Variants in PREX1 observed in about 807,000 individuals in gnomAD.
The protein encoded by PREX1 is phosphatidylinositol-3,4,5-trisphosphate dependent Rac exchange factor 1, also known as phosphatidylinositol 3,4,5-trisphosphate-dependent Rac exchanger 1 protein.
Under a neutral mutation model 198.3 loss-of-function variants are expected in PREX1, and 41 were observed. The ratio of observed to expected loss-of-function variants is 0.21; its 90% CI spans 0.16 to 0.27. PREX1 has a LOEUF of 0.27. Among genes scored for constraint, PREX1 ranks in the 10% least tolerant of loss-of-function variants. The pLI is 1.00. For missense variants in PREX1, 1,620 were observed against 2,200.7 expected (o/e 0.74, Z 5.28); for synonymous variants, 843 against 887.2 (o/e 0.95, Z 0.89).
intron 1 of PREX1, among the ~76,000 whole-genome samples, chr20:48,801,911 G>A (rs1027711193): frequency 5.9e-5 from 9 of 152,092 alleles, no homozygotes; most frequent in African/African-American, 1.9e-4. Context: ...AAGCCAAGAC[G>A]CCCCTTGGGT....
At chr20:48,726,616 C>G (rs1197047153) in intron 4 of PREX1, among the ~76,000 whole-genome samples, 5 of 152,252 alleles carry the variant, frequency 3.3e-5, no homozygotes, top group African/African-American at 1.2e-4. Flanking sequence ...AACACAGCCA[C>G]ATCCATCACA....
At chr20:48,880,720 G>A in the PREX1 span, among the ~76,000 whole-genome samples, 1 of 152,086 alleles carries the variant, frequency 6.6e-6, no homozygotes, top group Non-Finnish European at 1.5e-5. Flanking sequence ...TGTGCCTGAT[G>A]CCACCCCAAA....
chr20:48,868,455 C>T, the PREX1 span, among the ~76,000 whole-genome samples: 1 of 152,048 alleles, frequency 6.6e-6, no homozygotes. Context: ...TCCAAAGTAG[C>T]TGGGATTACA....
At chr20:48,633,614 TG>T (rs1004627394) in intron 33 of PREX1, among the ~76,000 whole-genome samples, 27 of 152,296 alleles carry the variant, frequency 1.8e-4, no homozygotes, top group Non-Finnish European at 2.8e-4. Context: ...TAGTTCTGGC[TG>T]GGCCGGAGAA....
intron 3 of PREX1, among the ~76,000 whole-genome samples, chr20:48,739,339 G>C (rs2090070980): frequency 6.6e-6 from 1 of 152,188 alleles, no homozygotes; most frequent in Non-Finnish European, 1.5e-5. Flanking sequence ...CCAGGTGAAT[G>C]CTCATTTCAG....
At chr20:48,692,557 T>C (rs1423943368) in intron 8 of PREX1, 115 bp downstream of exon 8, 3 of 823,172 alleles carry the variant, frequency 3.6e-6, no homozygotes, top group African/African-American at 3.4e-5. Flanking sequence ...CACTTTTCTG[T>C]AGGTAGATTA....
At chr20:48,858,948 TG>T in the PREX1 span, among the ~76,000 whole-genome samples, 8 of 152,052 alleles carry the variant, frequency 5.3e-5, 1 homozygote, top group East Asian at 9.6e-4. Flanking sequence ...GAGGCTGGAG[TG>T]GGGTGGTGGA....
At chr20:48,733,457 G>C (rs186549310) in intron 4 of PREX1, among the ~76,000 whole-genome samples, 4 of 152,270 alleles carry the variant, frequency 2.6e-5, no homozygotes, top group East Asian at 3.9e-4. Context: ...CTGTTACTAT[G>C]GGGAAAGGGA....
chr20:48,809,929 G>A (rs1005826255), intron 1 of PREX1, among the ~76,000 whole-genome samples: 1 of 152,148 alleles, frequency 6.6e-6, no homozygotes, highest in Non-Finnish European at 1.5e-5. Flanking sequence ...GGAAGTCTGG[G>A]AAACAGATTC....
At chr20:48,714,171 G>A (rs559893965) in intron 5 of PREX1, among the ~76,000 whole-genome samples, 1 of 152,254 alleles carries the variant, frequency 6.6e-6, no homozygotes, top group South Asian at 2.1e-4. Context: ...GTGACCTTAA[G>A]TTAGGCGAAG....
chr20:48,753,707 T>G (rs772157540), intron 1 of PREX1, among the ~76,000 whole-genome samples: 28 of 152,170 alleles, frequency 1.8e-4, no homozygotes, highest in Non-Finnish European at 3.4e-4. Flanking sequence ...CTCCTTTTTG[T>G]TTCTTGAACA....
upstream of PREX1, among the ~76,000 whole-genome samples, chr20:48,828,669 C>T (rs1412684526): frequency 6.6e-6 from 1 of 152,222 alleles, no homozygotes; most frequent in Non-Finnish European, 1.5e-5. Context: ...TTTCCCGTTT[C>T]CTTTCCCATC....
chr20:48,835,180 T>G, the PREX1 span, among the ~76,000 whole-genome samples: 1 of 152,224 alleles, frequency 6.6e-6, no homozygotes, highest in Non-Finnish European at 1.5e-5. Flanking sequence ...AGGTGGGCTG[T>G]GGGAATCTTG....
Position 48,642,438 on chromosome 20 carries a change from A to C in PREX1, c.3653T>G (p.Leu1218Arg). Reference protein sequence around the residue: ...MRIPSDKQDKLHGCLEHLFNQ... With the variant: ...MRIPSDKQDKRHGCLEHLFNQ... ...AAAGAGGTGCTCCAGGCAGCCATGA[A>C]GCTTGTCCTGCTTGTCAGATGGGAT... Residue 1218 changes from leucine (L) to arginine (R), a missense_variant, in exon 28 of 40, where the codon CTT becomes CGT. Around this residue, in one of 7 missense-constraint regions of PREX1, gnomAD observed 476 missense variants for 603.4 expected, o/e 0.79. Coordinates refer to ENST00000371941, the MANE Select transcript of PREX1 (RefSeq NM_020820.4). 1 of 1,613,692 alleles carries C rather than the reference A, an allele frequency of 6.2e-7. No individual in the cohort carries two copies. Among genetic ancestry groups the C allele is most frequent in the Non-Finnish European group, 8.5e-7 (1 of 1,179,682 alleles).
At chr20:48,804,094 C>A (rs1190652282) in intron 1 of PREX1, among the ~76,000 whole-genome samples, 1 of 152,086 alleles carries the variant, frequency 6.6e-6, no homozygotes, top group Non-Finnish European at 1.5e-5. Context: ...TTTCTGACGC[C>A]CAGAAGAAGG....
chr20:48,662,914 G>T (rs1398482537), intron 15 of PREX1, among the ~76,000 whole-genome samples: 2 of 152,170 alleles, frequency 1.3e-5, no homozygotes, highest in African/African-American at 2.4e-5. Flanking sequence ...ATAGCAGCTG[G>T]GGAGGACCCC....
chr20:48,636,930 C>CCAAA (rs942437298), intron 31 of PREX1, among the ~76,000 whole-genome samples: 4 of 152,206 alleles, frequency 2.6e-5, no homozygotes, highest in African/African-American at 9.7e-5. Flanking sequence ...GCTTTGAAAA[C>CCAAA]CAAACAAACA....
intron 37 of PREX1, 36 bp from the exon 38 acceptor site, chr20:48,627,999 G>A (rs542096542): frequency 3.0e-6 from 3 of 1,006,090 alleles, no homozygotes; most frequent in Admixed American, 2.5e-5. Flanking sequence ...GGTTGGCGGT[G>A]GGGGGACAGG....
intron 7 of PREX1, among the ~76,000 whole-genome samples, chr20:48,699,019 G>A (rs886568550): frequency 2.0e-5 from 3 of 152,178 alleles, no homozygotes; most frequent in Non-Finnish European, 2.9e-5. Flanking sequence ...GGGGCTGATC[G>A]TCTCACTTTA....
Sources: gnomAD v4.1 joint callset for allele counts (sites outside exome capture counted in the v4.1 genomes callset) on GRCh38, gnomAD v4.1.1 for gene constraint, gnomAD v4.1.1 regional missense constraint, MANE v1.5 for transcripts, NCBI Gene and HGNC (gene_info 2026-07-23, HGNC 2026-07-21) for gene names.